LRP2: variants seen among roughly 807,000 people sequenced by gnomAD.
LRP2 encodes the protein LDL receptor related protein 2, also known as low-density lipoprotein receptor-related protein 2.
Under a neutral mutation model 531.0 loss-of-function variants are expected in LRP2, and 172 were observed. That is an observed-to-expected ratio of 0.32 (90% confidence interval 0.29 to 0.37). The LOEUF is 0.37. Among genes scored for constraint, LRP2 ranks in the 10% least tolerant of loss-of-function variants. The probability of loss-of-function intolerance (pLI) is 1.00; values close to 1 mark genes in which losing one functional copy is unlikely to be tolerated. For missense variants in LRP2, 5,167 were observed against 5,868.3 expected (o/e 0.88, Z 3.90); for synonymous variants, 1,992 against 2,027.6 (o/e 0.98, Z 0.47).
chr2:169,343,927 G>T (rs183519765), intron 1 of LRP2, among the ~76,000 whole-genome samples: 356 of 152,228 alleles, frequency 2.3e-3, no homozygotes, highest in Middle Eastern at 6.8e-3. Context: ...TGTGAGAATA[G>T]CATAGAATTT....
At chr2:169,329,020 A>G (rs1182501335) in intron 1 of LRP2, among the ~76,000 whole-genome samples, 2 of 152,248 alleles carry the variant, frequency 1.3e-5, no homozygotes, top group African/African-American at 4.8e-5. Flanking sequence ...GCACAGATTT[A>G]CACTGAGGCA....
chr2:169,188,357 C>G, intron 48 of LRP2, 92 bp from the exon 49 acceptor site: 3 of 1,235,406 alleles, frequency 2.4e-6, no homozygotes, highest in Non-Finnish European at 3.5e-6. Context: ...CTTTATCTAC[C>G]TAAATGCCAG....
intron 16 of LRP2, among the ~76,000 whole-genome samples, chr2:169,260,243 T>C (rs994719796): frequency 1.3e-5 from 2 of 151,686 alleles, no homozygotes; most frequent in African/African-American, 2.4e-5. Flanking sequence ...AATAAAAGAG[T>C]AATGAGTGCT....
At chr2:169,308,661 T>C (rs544338299) in intron 3 of LRP2, among the ~76,000 whole-genome samples, 1 of 152,212 alleles carries the variant, frequency 6.6e-6, no homozygotes, top group African/African-American at 2.4e-5. Flanking sequence ...TTTGCTATTG[T>C]GAATAGTGCC....
chr2:169,132,665 T>C lies in LRP2; in HGVS notation c.13637A>G (p.Asn4546Ser), dbSNP rs995049682. ...VQPIQVTVSE[N>S]VDNKNYGSPI... ...ACTTCCATAATTCTTATTATCCACA[T>C]TTTCAGATACAGTCACCTGTGGACA... The change falls in exon 77 of 79, where the codon AAT becomes AGT. Residue 4546 changes from asparagine to serine, a missense_variant. Physicochemically the swap from Asn to Ser is conservative, Grantham distance 46. Coordinates refer to ENST00000649046, the MANE Select transcript of LRP2 (RefSeq NM_004525.3). 1.9e-6 allele frequency: 3 copies of C among 1,583,722 alleles called. No individual in the cohort carries two copies. The South Asian group carries it at 3.3e-5, about 18-fold the overall frequency.
At chr2:169,239,042 C>G (rs374737858) in intron 26 of LRP2, among the ~76,000 whole-genome samples, 2 of 152,334 alleles carry the variant, frequency 1.3e-5, no homozygotes, top group East Asian at 1.9e-4. Flanking sequence ...GCCCTGGACT[C>G]TCTGACATCC....
intron 63 of LRP2, among the ~76,000 whole-genome samples, chr2:169,161,001 C>G (rs1686566166): frequency 6.6e-6 from 1 of 152,122 alleles, no homozygotes; most frequent in Non-Finnish European, 1.5e-5. Context: ...TCAATTAGAG[C>G]CCAAGAAGTT....
chr2:169,280,162 T>C (rs1373054510), intron 11 of LRP2, among the ~76,000 whole-genome samples, 188 bp downstream of exon 11: 6 of 152,228 alleles, frequency 3.9e-5, no homozygotes, highest in Admixed American at 3.3e-4. Flanking sequence ...ATCCATATAA[T>C]AGACTGCTTT....
chr2:169,338,610 C>G (rs1161396607), intron 1 of LRP2, among the ~76,000 whole-genome samples: 1 of 152,212 alleles, frequency 6.6e-6, no homozygotes, highest in African/African-American at 2.4e-5. Context: ...ACTACTGTTA[C>G]ATATGAAATC....
chr2:169,358,224 T>C (rs1371116303), intron 1 of LRP2, among the ~76,000 whole-genome samples: 1 of 152,198 alleles, frequency 6.6e-6, no homozygotes, highest in Non-Finnish European at 1.5e-5. Context: ...ATCTAAAAAA[T>C]GGTCCACTGC....
chr2:169,292,050 T>C (rs1330659551), intron 7 of LRP2, among the ~76,000 whole-genome samples: 1 of 152,170 alleles, frequency 6.6e-6, no homozygotes, highest in Non-Finnish European at 1.5e-5. Context: ...AATCTGTATT[T>C]GTGTTCTGAA....
intron 3 of LRP2, among the ~76,000 whole-genome samples, chr2:169,310,662 C>CT (rs1476149808): frequency 8.5e-5 from 13 of 152,114 alleles, no homozygotes; most frequent in Non-Finnish European, 1.8e-4. Flanking sequence ...CTAAAATTCT[C>CT]TTTTTTTGTT....
intron 48 of LRP2, among the ~76,000 whole-genome samples, chr2:169,188,567 C>A (rs2105306473): frequency 6.6e-6 from 1 of 152,230 alleles, no homozygotes; most frequent in South Asian, 2.1e-4. Flanking sequence ...AGGTCTATAG[C>A]TATTAAAAAT....
intron 3 of LRP2, among the ~76,000 whole-genome samples, chr2:169,308,386 C>G (rs561480081): frequency 5.9e-5 from 9 of 152,112 alleles, no homozygotes; most frequent in Non-Finnish European, 1.3e-4. Context: ...CCCTACCCCA[C>G]GACAGGACCC....
At chr2:169,308,705 C>T (rs1381090255) in intron 3 of LRP2, among the ~76,000 whole-genome samples, 3 of 152,102 alleles carry the variant, frequency 2.0e-5, no homozygotes, top group Non-Finnish European at 2.9e-5. Flanking sequence ...GTCTTTATAG[C>T]AGCATGATTT....
At chr2:169,198,498 G>C (rs1454100914) in intron 45 of LRP2, among the ~76,000 whole-genome samples, 1 of 152,170 alleles carries the variant, frequency 6.6e-6, no homozygotes, top group Non-Finnish European at 1.5e-5. Context: ...TTCTGCCTAA[G>C]TACATGAAGG....
chr2:169,304,452 A>G (rs1196916980), intron 4 of LRP2, among the ~76,000 whole-genome samples: 1 of 152,222 alleles, frequency 6.6e-6, no homozygotes, highest in Non-Finnish European at 1.5e-5. Flanking sequence ...GGAACCTAAT[A>G]GTAACAACTA....
rs773899005 is a variant in LRP2, at chr2:169,198,775, A to C, written c.8578+11T>G. The C allele has an allele frequency of 1.9e-6, 3 of 1,613,186 alleles. No homozygotes were observed. The highest frequency in any genetic ancestry group is 2.5e-6 in the Non-Finnish European group (3 of 1,179,404). On this transcript the variant is annotated intron_variant, in intron 45 of 78. Transcript: ENST00000649046. ...GGAACGATAGAAAGAAAGCAGTTTT[A>C]TCTTACTCACTGCAATAAGTAGGGT...
intron 49 of LRP2, among the ~76,000 whole-genome samples, chr2:169,187,531 C>A (rs1337834918): frequency 6.6e-6 from 1 of 152,162 alleles, no homozygotes; most frequent in Non-Finnish European, 1.5e-5. Context: ...TTCTCAACTG[C>A]TTTACTTGTG....
Sources: allele counts gnomAD v4.1 joint callset (sites outside exome capture counted in the v4.1 genomes callset), GRCh38; gene constraint gnomAD v4.1.1; transcripts MANE v1.5; gene names NCBI Gene and HGNC (gene_info 2026-07-23, HGNC 2026-07-21).